The following NEGR1 variants were observed in gnomAD, a reference collection of about 807,000 sequenced individuals.
The protein encoded by NEGR1 is IgLON family member 4.
A neutral mutation model predicts 40.9 loss-of-function variants in NEGR1; 10 were observed. That is an observed-to-expected ratio of 0.24 (90% CI 0.15 to 0.42). The LOEUF (loss-of-function observed/expected upper bound fraction) is 0.42. Among genes scored for constraint, NEGR1 ranks in the 10% least tolerant of loss-of-function variants. The pLI, the probability that NEGR1 is intolerant of heterozygous loss-of-function variation, is 1.00. For synonymous variants in NEGR1, 185 were observed against 166.8 expected, an observed-to-expected ratio of 1.11 and a Z score of -0.84; for missense variants, 352 against 438.9, an observed-to-expected ratio of 0.80 and a Z score of 1.77.
chr1:71,813,080 C>T (rs1011657554), intron 2 of NEGR1, among the ~76,000 whole-genome samples: 1 of 152,014 alleles, frequency 6.6e-6, no homozygotes. Context: ...ATATTTAAGT[C>T]TTTAATCCAT....
chr1:71,784,406 G>T (rs1656838921), intron 2 of NEGR1, among the ~76,000 whole-genome samples: 1 of 151,490 alleles, frequency 6.6e-6, no homozygotes, highest in Non-Finnish European at 1.5e-5. Context: ...ATGTTAAAAT[G>T]TAACTAACCC....
intron 2 of NEGR1, among the ~76,000 whole-genome samples, chr1:71,854,031 T>C (rs1036475523): frequency 6.6e-6 from 1 of 152,156 alleles, no homozygotes; most frequent in Non-Finnish European, 1.5e-5. Flanking sequence ...TCTTGTTTGT[T>C]GAGGATTTGA....
intron 1 of NEGR1, among the ~76,000 whole-genome samples, chr1:72,209,299 T>C (rs1284632300): frequency 1.3e-5 from 2 of 151,744 alleles, no homozygotes; most frequent in Non-Finnish European, 3.0e-5. Context: ...TGACTCTTTA[T>C]CTCCCAAATA....
rs190469074 is a variant in NEGR1 at position 72,010,276 on chromosome 1, G to T, written c.177-74965C>A. Among the ~76,000 whole-genome samples, 3 of 152,266 alleles carry T rather than the reference G, an allele frequency of 2.0e-5. No individual in the cohort carries two copies. In the East Asian group the frequency reaches 5.8e-4, roughly 30 times the overall value. On this transcript the variant is annotated intron_variant, in intron 1 of 6. Coordinates refer to ENST00000357731, the MANE Select transcript of NEGR1 (RefSeq NM_173808.3). ...GCCACATCTCATGACTGTGAGATAGGTCAGAGGCAGCTCGAGACAGCTGAT... is the reference window on the plus strand; with the variant it reads ...GCCACATCTCATGACTGTGAGATAGTTCAGAGGCAGCTCGAGACAGCTGAT...
intron 1 of NEGR1, among the ~76,000 whole-genome samples, chr1:72,088,637 T>A (rs1330104259): frequency 6.6e-6 from 1 of 152,058 alleles, no homozygotes; most frequent in Non-Finnish European, 1.5e-5. Context: ...AAATCAAGGA[T>A]ACTAGAATAA....
At chr1:71,755,375 A>G (rs1451025179) in intron 3 of NEGR1, among the ~76,000 whole-genome samples, 3 of 152,188 alleles carry the variant, frequency 2.0e-5, no homozygotes, top group Non-Finnish European at 4.4e-5. Flanking sequence ...CTCGTTCTCT[A>G]CATAGCACTA....
intron 1 of NEGR1, among the ~76,000 whole-genome samples, chr1:72,165,212 A>G (rs1570066708): frequency 6.6e-6 from 1 of 152,064 alleles, no homozygotes; most frequent in Admixed American, 6.6e-5. Context: ...GAAATATAGC[A>G]TTAGAAATTT....
At chr1:71,925,118 T>C (rs184218575) in intron 2 of NEGR1, among the ~76,000 whole-genome samples, 1 of 152,324 alleles carries the variant, frequency 6.6e-6, no homozygotes, top group African/African-American at 2.4e-5. Flanking sequence ...GTCATCACGC[T>C]CAAGAAGTTG....
intron 1 of NEGR1, among the ~76,000 whole-genome samples, chr1:72,224,909 C>G (rs74970103): frequency 0.013 from 1,979 of 152,074 alleles, 45 homozygotes; most frequent in African/African-American, 0.046. Context: ...ATTTAATTAA[C>G]ATCATGAATT....
At chr1:71,571,552 T>C (rs2101493281) in intron 6 of NEGR1, among the ~76,000 whole-genome samples, 1 of 152,208 alleles carries the variant, frequency 6.6e-6, no homozygotes, top group African/African-American at 2.4e-5. Flanking sequence ...CACTTTGGGA[T>C]GCTCAGGTGG....
intron 1 of NEGR1, among the ~76,000 whole-genome samples, chr1:72,073,073 G>C (rs941245486): frequency 2.6e-5 from 4 of 152,150 alleles, no homozygotes; most frequent in African/African-American, 9.7e-5. Flanking sequence ...GGGAGGAAAA[G>C]GATGCAGGAT....
At chr1:71,620,542 G>A (rs551058167) in intron 4 of NEGR1, among the ~76,000 whole-genome samples, 163 of 151,980 alleles carry the variant, frequency 1.1e-3, no homozygotes, top group Non-Finnish European at 1.9e-3. Flanking sequence ...TCTTTCAAAG[G>A]TTTTTATAGA....
intron 3 of NEGR1, among the ~76,000 whole-genome samples, chr1:71,763,391 T>C (rs1317570583): frequency 2.0e-5 from 3 of 152,194 alleles, no homozygotes; most frequent in African/African-American, 7.2e-5. Flanking sequence ...TTCATCTTCA[T>C]GCCCCATTGG....
At chr1:72,139,313 T>C (rs986748568) in intron 1 of NEGR1, among the ~76,000 whole-genome samples, 6 of 147,232 alleles carry the variant, frequency 4.1e-5, no homozygotes, top group East Asian at 2.0e-4. Context: ...CAGATCAGCA[T>C]AGAAATCAAT....
At chr1:71,567,819 T>C (rs1430681800) in intron 6 of NEGR1, among the ~76,000 whole-genome samples, 1 of 143,086 alleles carries the variant, frequency 7.0e-6, no homozygotes, top group Non-Finnish European at 1.5e-5. Context: ...GGTGGAGCTG[T>C]CATCAATGAG....
At chr1:71,706,757 A>T (rs1570239659) in intron 3 of NEGR1, among the ~76,000 whole-genome samples, 1 of 151,648 alleles carries the variant, frequency 6.6e-6, no homozygotes, top group Non-Finnish European at 1.5e-5. Context: ...TCAGAAGGAA[A>T]CCCACTGCCT....
At chr1:71,687,836 T>C (rs988497507) in intron 4 of NEGR1, among the ~76,000 whole-genome samples, 3 of 152,208 alleles carry the variant, frequency 2.0e-5, no homozygotes, top group African/African-American at 7.2e-5. Context: ...CAGGCTAGTA[T>C]AGTGAAAGCA....
intron 1 of NEGR1, among the ~76,000 whole-genome samples, chr1:72,181,545 G>A (rs1256843014): frequency 6.6e-6 from 1 of 152,100 alleles, no homozygotes; most frequent in Non-Finnish European, 1.5e-5. Context: ...ACCATATGAT[G>A]CAGAAATCTC....
At chr1:71,746,373 A>T (rs1344942056) in intron 3 of NEGR1, among the ~76,000 whole-genome samples, 2 of 152,228 alleles carry the variant, frequency 1.3e-5, no homozygotes, top group Non-Finnish European at 1.5e-5. Flanking sequence ...TGAGATTTCT[A>T]ACACGGGATA....
Sources: gnomAD v4.1 joint callset for allele counts (sites outside exome capture counted in the v4.1 genomes callset) on GRCh38, gnomAD v4.1.1 for gene constraint, MANE v1.5 for transcripts, NCBI Gene and HGNC (gene_info 2026-07-23, HGNC 2026-07-21) for gene names.